Variants in ADAMTS12 observed in about 807,000 individuals in gnomAD.
ADAMTS12 encodes the protein A disintegrin and metalloproteinase with thrombospondin motifs 12.
Under a neutral mutation model 167.8 loss-of-function variants are expected in ADAMTS12, and 118 were observed. The ratio of observed to expected loss-of-function variants is 0.70; its 90% CI spans 0.61 to 0.82. The LOEUF (loss-of-function observed/expected upper bound fraction) is 0.82. Ranked by LOEUF, ADAMTS12 falls within the 40% of genes least tolerant of loss-of-function variation. The pLI is 0.00. For synonymous variants in ADAMTS12, 704 were observed against 716.9 expected, an observed-to-expected ratio of 0.98 and a Z score of 0.29; for missense variants, 1,916 against 1,998.8, an observed-to-expected ratio of 0.96 and a Z score of 0.79.
chr5:33,758,703 T>C (rs984436723), intron 2 of ADAMTS12, among the ~76,000 whole-genome samples: 2 of 152,082 alleles, frequency 1.3e-5, no homozygotes, highest in African/African-American at 4.8e-5. Context: ...CAAGACGGAA[T>C]TGCTCATTAG....
intron 5 of ADAMTS12, among the ~76,000 whole-genome samples, chr5:33,677,675 A>G (rs1331403692): frequency 2.0e-5 from 3 of 152,224 alleles, no homozygotes; most frequent in African/African-American, 7.2e-5. Context: ...ATTCAGGGAT[A>G]GACAGGGACA....
At chr5:33,757,066 T>C (rs945483421) in intron 2 of ADAMTS12, among the ~76,000 whole-genome samples, 1 of 152,146 alleles carries the variant, frequency 6.6e-6, no homozygotes, top group Admixed American at 6.5e-5. Context: ...TTTGTAAAGA[T>C]TGGCCAAGTA....
chr5:33,738,230 CCT>C (rs1234449707), intron 3 of ADAMTS12, among the ~76,000 whole-genome samples: 2 of 152,120 alleles, frequency 1.3e-5, no homozygotes, highest in African/African-American at 4.8e-5. Context: ...CTAACCAGCC[CCT>C]GATAAATACC....
At position 33,596,029 on chromosome 5, in the gene ADAMTS12, C is replaced by A. The variant is rs369596241; in HGVS notation, c.2559G>T (p.Lys853Asn). 4.0e-5 allele frequency: 64 copies of A among 1,613,982 alleles called. No individual in the cohort carries two copies. The highest frequency in any genetic ancestry group is 8.3e-5 in the Admixed American group (5 of 59,996). Reference protein sequence around the residue: ...GIRRQTAHCIKKGRGMVKATF... With the variant: ...GIRRQTAHCINKGRGMVKATF... ...TAGCTTTCACCATCCCGCGGCCCTT[C>A]TTTATGCAATGGGCAGTTTGGCGGC... is the stretch of plus-strand genomic sequence containing the variant. The change falls in exon 17 of 24, where the codon AAG (lysine) becomes AAT (asparagine). Residue 853 changes from lysine (K) to asparagine (N), a missense_variant. By Grantham distance (94) the Lys-to-Asn change is moderately conservative (BLOSUM62 0). Transcript: ENST00000504830.
chr5:33,859,453 G>A (rs1749523022), intron 2 of ADAMTS12, among the ~76,000 whole-genome samples: 1 of 152,244 alleles, frequency 6.6e-6, no homozygotes, highest in Admixed American at 6.5e-5. Flanking sequence ...TAGACTGCCT[G>A]TCTAGATTCC....
rs768280943 is a variant in ADAMTS12 at position 33,588,591 on chromosome 5, G to A, written c.2865+8C>T. On this transcript the variant is annotated splice_region_variant and intron_variant, in intron 18 of 23. Transcript: ENST00000504830. The stretch of plus-strand genomic sequence containing the variant: ...AATGCCAGTTTCCCCGCCGAGCCCT[G>A]AGCTCACCTCACTCCAGTTGCCCAC... 1 of 1,613,820 alleles carries A rather than the reference G, an allele frequency of 6.2e-7. No homozygotes were observed. The highest frequency in any genetic ancestry group is 8.5e-7 in the Non-Finnish European group (1 of 1,179,734).
At chr5:33,694,281 G>C (rs1411971899) in intron 3 of ADAMTS12, among the ~76,000 whole-genome samples, 1 of 152,126 alleles carries the variant, frequency 6.6e-6, no homozygotes, top group Non-Finnish European at 1.5e-5. Context: ...ATTAATGTCT[G>C]ACTTTATAAC....
chr5:33,809,041 C>A (rs1037103), intron 2 of ADAMTS12, among the ~76,000 whole-genome samples: 5,182 of 152,262 alleles, frequency 0.034, 314 homozygotes, highest in African/African-American at 0.12. Flanking sequence ...CCTATGGATT[C>A]CATTCTTTTT....
chr5:33,587,479 G>C (rs1747417219), intron 18 of ADAMTS12, among the ~76,000 whole-genome samples: 1 of 152,124 alleles, frequency 6.6e-6, no homozygotes, highest in Non-Finnish European at 1.5e-5. Flanking sequence ...TTTTGAGACA[G>C]GGTCTCACTT....
chr5:33,601,967 T>C (rs949893169), intron 16 of ADAMTS12, among the ~76,000 whole-genome samples: 2 of 151,868 alleles, frequency 1.3e-5, no homozygotes, highest in South Asian at 2.1e-4. Flanking sequence ...CAATCAAGAG[T>C]ATTCCTGCCT....
At chr5:33,751,193 G>T (rs1349620338) in intron 3 of ADAMTS12, 1 of 583,656 alleles carries the variant, frequency 1.7e-6, no homozygotes, top group African/African-American at 1.9e-5. Context: ...AGAGACTCGA[G>T]TATTGACAAG....
At chr5:33,793,535 T>C (rs1746656266) in intron 2 of ADAMTS12, among the ~76,000 whole-genome samples, 1 of 152,256 alleles carries the variant, frequency 6.6e-6, no homozygotes, top group African/African-American at 2.4e-5. Flanking sequence ...TGGAAAGTTA[T>C]CTAGTCACAT....
chr5:33,752,925 C>T (rs1745042669), intron 2 of ADAMTS12, among the ~76,000 whole-genome samples: 1 of 152,178 alleles, frequency 6.6e-6, no homozygotes, highest in Admixed American at 6.5e-5. Context: ...TCACTGTAGC[C>T]AGTAATGTAA....
At chr5:33,688,992 C>T (rs1345761139) in intron 3 of ADAMTS12, among the ~76,000 whole-genome samples, 1 of 152,204 alleles carries the variant, frequency 6.6e-6, no homozygotes, top group Non-Finnish European at 1.5e-5. Context: ...GCCTACACTG[C>T]AGCTTCCAGA....
chr5:33,560,535 T>G (rs1457274143), intron 20 of ADAMTS12, among the ~76,000 whole-genome samples: 1 of 152,082 alleles, frequency 6.6e-6, no homozygotes, highest in Non-Finnish European at 1.5e-5. Flanking sequence ...TGTCCAGCAA[T>G]GATAGACTGG....
At chr5:33,658,886 G>C (rs1741154780) in intron 6 of ADAMTS12, among the ~76,000 whole-genome samples, 1 of 152,154 alleles carries the variant, frequency 6.6e-6, no homozygotes, top group African/African-American at 2.4e-5. Context: ...ATGCCTGTGT[G>C]TGCATGTACA....
At chr5:33,890,382 C>A (rs1750798827) in intron 1 of ADAMTS12, among the ~76,000 whole-genome samples, 1 of 152,216 alleles carries the variant, frequency 6.6e-6, no homozygotes, top group African/African-American at 2.4e-5. Context: ...CAAGTGAGTG[C>A]TGGCTGACTG....
chr5:33,709,109 A>G (rs890176077), intron 3 of ADAMTS12, among the ~76,000 whole-genome samples: 6 of 152,112 alleles, frequency 3.9e-5, no homozygotes, highest in African/African-American at 1.4e-4. Context: ...AAAAAGCTCA[A>G]CATCACTGAT....
At chr5:33,801,309 G>A (rs946815615) in intron 2 of ADAMTS12, among the ~76,000 whole-genome samples, 2 of 152,154 alleles carry the variant, frequency 1.3e-5, no homozygotes, top group African/African-American at 2.4e-5. Context: ...AATCAGCCAT[G>A]GTGGGAGTAT....
Sources: gnomAD v4.1 joint callset for allele counts (sites outside exome capture counted in the v4.1 genomes callset) on GRCh38, gnomAD v4.1.1 for gene constraint, MANE v1.5 for transcripts, NCBI Gene and HGNC (gene_info 2026-07-23, HGNC 2026-07-21) for gene names.